FBXO34: variants seen among roughly 807,000 people sequenced by gnomAD.
FBXO34 encodes the protein F-box only protein 34.
In FBXO34, 12 loss-of-function variants were observed where a neutral mutation model predicts 24.5. The ratio of observed to expected loss-of-function variants is 0.49; its 90% CI spans 0.31 to 0.79. The LOEUF is 0.79. FBXO34 is among the 30% of genes least tolerant of loss of function. The probability of loss-of-function intolerance (pLI) is 0.04; values close to 1 mark genes in which losing one functional copy is unlikely to be tolerated. For synonymous variants in FBXO34, 320 were observed against 311.9 expected, an observed-to-expected ratio of 1.03 and a Z score of -0.27; for missense variants, 823 against 857.7, an observed-to-expected ratio of 0.96 and a Z score of 0.51.
chr14:55,372,740 GGCTCAGCCTGTTTTCTTCTTTGAT>G (rs1884847396), downstream of FBXO34, among the ~76,000 whole-genome samples: 1 of 151,770 alleles, frequency 6.6e-6, no homozygotes, highest in South Asian at 2.1e-4. Context: ...CTCCCTCCAA[GGCTCAGCCTGTTTTCTTCTTTGAT>G]GCTGCCTTCT....
rs999670116 is a variant in FBXO34, at chr14:55,352,827, C to T, written c.*301C>T. 1 of 309,552 alleles carries T rather than the reference C, an allele frequency of 3.2e-6. No homozygotes were observed. Among genetic ancestry groups the T allele is most frequent in the Non-Finnish European group, 6.3e-6 (1 of 158,390 alleles). 19.2% of individuals were successfully genotyped at this position (309,552 alleles called of 1,614,324 possible). On this transcript the variant is annotated 3_prime_UTR_variant, in exon 2 of 2. Transcript: ENST00000313833. ...CCCATCCTCAAAGGATGAAGACTCA[C>T]CACCATCCAGGACATTCAGAAGAGT...
At chr14:55,391,159 T>A in the FBXO34 span, 2 of 536,684 alleles carry the variant, frequency 3.7e-6, no homozygotes, top group Non-Finnish European at 6.5e-6. Flanking sequence ...AAGAGAACGA[T>A]GTTTTTCTAG....
chr14:55,389,565 A>T, the FBXO34 span, among the ~76,000 whole-genome samples: 6 of 152,334 alleles, frequency 3.9e-5, no homozygotes, highest in African/African-American at 1.4e-4. Context: ...AGACAAGAAA[A>T]AGGGATTCAC....
intron 1 of FBXO34, among the ~76,000 whole-genome samples, chr14:55,346,414 G>A (rs1410580519): frequency 6.6e-6 from 1 of 152,222 alleles, no homozygotes. Flanking sequence ...AGTGACTCAA[G>A]CTTCTGGCTT....
chr14:55,322,457 T>C (rs538551763), intron 1 of FBXO34, among the ~76,000 whole-genome samples: 34 of 152,200 alleles, frequency 2.2e-4, no homozygotes, highest in Non-Finnish European at 4.3e-4. Context: ...TCCCCCACCA[T>C]TGGCTTCAGT....
Position 55,323,226 on chromosome 14 carries a change from T to TATATATATATATATATA in FBXO34, c.-10-27155_-10-27154insATATATATATATATATA, listed in dbSNP as rs1491370677. ...AAAAAAAAAAAAAAAAAAATATATATTTTTTTTTTTTTTTTTTTTTTTAGA... is the reference window on the plus strand; with the variant it reads ...AAAAAAAAAAAAAAAAAAATATATATATATATATATATATATATTTTTTTTTTTTTTTTTTTTTTAGA... On this transcript the variant is annotated intron_variant, in intron 1 of 1. Transcript: ENST00000313833. Among the ~76,000 whole-genome samples the TATATATATATATATATA allele has an allele frequency of 5.8e-4, 12 of 20,526 alleles. No individual in the cohort carries two copies. In the African/African-American group the frequency reaches 7.9e-3, roughly 14 times the overall value. The allele number at this position is 20,526 out of a possible 152,430, so 13.5% of individuals were successfully genotyped here. A position where few individuals can be genotyped will look rare whatever the true frequency, so the allele number is the denominator to read the frequency against.
At chr14:55,307,648 C>T (rs1882598843) in intron 1 of FBXO34, among the ~76,000 whole-genome samples, 1 of 152,142 alleles carries the variant, frequency 6.6e-6, no homozygotes, top group African/African-American at 2.4e-5. Flanking sequence ...CTGACATGAG[C>T]AAAGGTTTTT....
At chr14:55,363,533 TGGTC>T (rs1884621529), downstream of FBXO34, among the ~76,000 whole-genome samples, 2 of 152,038 alleles carry the variant, frequency 1.3e-5, no homozygotes, top group African/African-American at 4.8e-5. Context: ...TTCACCATGT[TGGTC>T]AGGCTGGTCT....
At chr14:55,305,796 ATT>A (rs1444112064) in intron 1 of FBXO34, among the ~76,000 whole-genome samples, 1 of 152,198 alleles carries the variant, frequency 6.6e-6, no homozygotes, top group Non-Finnish European at 1.5e-5. Context: ...CCCGATCTGA[ATT>A]TTATCCCCCA....
intron 1 of FBXO34, among the ~76,000 whole-genome samples, chr14:55,325,538 C>G (rs1230296486): frequency 2.0e-5 from 3 of 151,996 alleles, no homozygotes; most frequent in African/African-American, 4.8e-5. Context: ...TGCAATGGCG[C>G]GATCTCGGCT....
chr14:55,306,771 T>G (rs1882560907), intron 1 of FBXO34, among the ~76,000 whole-genome samples: 1 of 152,142 alleles, frequency 6.6e-6, no homozygotes, highest in African/African-American at 2.4e-5. Context: ...AGGTGGAGGT[T>G]GCAGTGAGCT....
rs1193535873 is a variant in FBXO34, at chr14:55,331,729, GTA to G, written c.-10-18642_-10-18641del. ...TGTATATATATATGTATATATATAT[GTA>G]TATATATATGTGTGTATATATATAT... On this transcript the variant is annotated intron_variant, in intron 1 of 1. Transcript: ENST00000313833. Among the ~76,000 whole-genome samples, 46 of 28,036 alleles carry G rather than the reference GTA, an allele frequency of 1.6e-3. 7 individuals carry two copies. Among genetic ancestry groups the G allele is most frequent in the African/African-American group, 2.6e-3 (6 of 2,280 alleles). The allele number at this position is 28,036 out of a possible 152,430, so 18.4% of individuals were successfully genotyped here.
the FBXO34 span, among the ~76,000 whole-genome samples, chr14:55,389,087 G>A: frequency 6.6e-6 from 1 of 152,190 alleles, no homozygotes; most frequent in African/African-American, 2.4e-5. Context: ...TGCTAGGGAT[G>A]GAAACCACTG....
the FBXO34 span, among the ~76,000 whole-genome samples, chr14:55,414,838 T>G: frequency 6.6e-6 from 1 of 152,254 alleles, no homozygotes; most frequent in Non-Finnish European, 1.5e-5. Context: ...AACATCTTGA[T>G]TCCCTAATAT....
the FBXO34 span, among the ~76,000 whole-genome samples, chr14:55,409,561 TA>T: frequency 0.25 from 36,569 of 146,894 alleles, 4,505 homozygotes; most frequent in South Asian, 0.28. Flanking sequence ...AGCAGGCACC[TA>T]AAAAAAAAAA....
intron 1 of FBXO34, among the ~76,000 whole-genome samples, chr14:55,342,615 AG>A (rs914797416): frequency 2.6e-5 from 4 of 152,024 alleles, no homozygotes; most frequent in South Asian, 2.1e-4. Flanking sequence ...AGAGACATGG[AG>A]GGGGAAGTCT....
intron 1 of FBXO34, among the ~76,000 whole-genome samples, chr14:55,280,983 G>T (rs1316049263): frequency 6.6e-6 from 1 of 151,894 alleles, no homozygotes; most frequent in Non-Finnish European, 1.5e-5. Context: ...AAAGAAACAG[G>T]TGAAAAATAT....
chr14:55,371,818 A>C (rs1032209138), downstream of FBXO34, among the ~76,000 whole-genome samples: 2 of 149,966 alleles, frequency 1.3e-5, no homozygotes, highest in Non-Finnish European at 3.0e-5. Context: ...AACAAACAAA[A>C]AAACAAAGAG....
downstream of FBXO34, among the ~76,000 whole-genome samples, chr14:55,356,618 A>ATT (rs138774325): frequency 6.8e-4 from 101 of 148,082 alleles, no homozygotes; most frequent in Middle Eastern, 3.5e-3. Context: ...GGCCCAGCTG[A>ATT]TTTTTTTATT....
Sources: gnomAD v4.1 joint callset for allele counts (sites outside exome capture counted in the v4.1 genomes callset) on GRCh38, gnomAD v4.1.1 for gene constraint, MANE v1.5 for transcripts, NCBI Gene and HGNC (gene_info 2026-07-23, HGNC 2026-07-21) for gene names.